WDR86: variants seen among roughly 807,000 people sequenced by gnomAD.
The protein encoded by WDR86 is WD repeat-containing protein 86.
Under a neutral mutation model 36.5 loss-of-function variants are expected in WDR86, and 30 were observed. The ratio of observed to expected loss-of-function variants is 0.82; its 90% CI spans 0.61 to 1.11. The LOEUF (loss-of-function observed/expected upper bound fraction) is 1.11, where lower values mean the gene tolerates loss of function less well. Among genes scored for constraint, WDR86 ranks in the 50% most tolerant of loss-of-function variants. The pLI, the probability that WDR86 is intolerant of heterozygous loss-of-function variation, is 0.00. For missense variants in WDR86, 545 were observed against 561.2 expected (o/e 0.97, Z 0.29); for synonymous variants, 255 against 252.9 (o/e 1.01, Z -0.08).
intron 3 of WDR86, 110 bp downstream of exon 3, chr7:151,395,666 T>G (rs1799766448): frequency 7.6e-7 from 1 of 1,322,428 alleles, no homozygotes; most frequent in Non-Finnish European, 1.0e-6. Flanking sequence ...CAGGCCCCCA[T>G]CTGCAGCGCT....
Position 151,381,547 on chromosome 7 carries a change from G to A in WDR86, c.*35C>T, listed in dbSNP as rs1563040653. The A allele has an allele frequency of 2.9e-6, 4 of 1,390,888 alleles. No individual in the cohort carries two copies. The highest frequency in any genetic ancestry group is 3.0e-5 in the East Asian group (1 of 32,878). 86.2% of individuals were successfully genotyped at this position (1,390,888 alleles called of 1,614,324 possible). A position where few individuals can be genotyped will look rare whatever the true frequency, so the allele number is the denominator to read the frequency against. ...GGCGGGGCGCTCTGGGAGCCGCTGG[G>A]TGTCTGGGCTGGCGTCTGCAGGGGC... is the stretch of plus-strand genomic sequence containing the variant. On this transcript the variant is annotated 3_prime_UTR_variant, in exon 6 of 6. Coordinates refer to ENST00000334493, the MANE Select transcript of WDR86 (RefSeq NM_198285.3). The surrounding 1 kb of genome is among the most constrained non-coding windows in gnomAD (Gnocchi z 4.8).
chr7:151,402,665 G>A (rs1282577328), intron 1 of WDR86, among the ~76,000 whole-genome samples: 1 of 152,234 alleles, frequency 6.6e-6, no homozygotes, highest in Non-Finnish European at 1.5e-5. Flanking sequence ...CGGTAGAGAT[G>A]ACTGATGAGG....
downstream of WDR86, chr7:151,376,846 C>T: frequency 6.5e-7 from 1 of 1,543,848 alleles, no homozygotes; most frequent in Non-Finnish European, 8.8e-7. Flanking sequence ...GCATTGAGAG[C>T]AAAGTGTCTT....
rs2150874060 is a variant in WDR86 at position 151,406,525 on chromosome 7, A to G, written c.163+2902T>C. Among the ~76,000 whole-genome samples the G allele has an allele frequency of 6.6e-6, 1 of 152,268 alleles. No individual in the cohort carries two copies. Among genetic ancestry groups the G allele is most frequent in the East Asian group, 1.9e-4 (1 of 5,178 alleles). ...GGAACCAAAGTGGAAAGAGATCTAG[A>G]TTTAGAGTTAGGATGCTTCTAGGGA... On this transcript the variant is annotated intron_variant, in intron 1 of 5. Coordinates refer to ENST00000334493, the MANE Select transcript of WDR86 (RefSeq NM_198285.3). The surrounding 1 kb of genome is among the most constrained non-coding windows in gnomAD (Gnocchi z 4.4).
At chr7:151,376,373 G>C (rs1584979058), downstream of WDR86, 9 of 515,240 alleles carry the variant, frequency 1.7e-5, no homozygotes, top group East Asian at 2.2e-4. Context: ...GGTGAGGCTG[G>C]TGTGGCGCCC....
At chr7:151,371,201 C>A (rs567334871), downstream of WDR86, among the ~76,000 whole-genome samples, 135 of 152,270 alleles carry the variant, frequency 8.9e-4, 1 homozygote, top group African/African-American at 3.0e-3. Context: ...ACAACAACAA[C>A]AAAAAACCCA....
intron 4 of WDR86, 121 bp from the exon 5 acceptor site, chr7:151,382,102 G>A: frequency 1.3e-6 from 1 of 798,104 alleles, no homozygotes; most frequent in South Asian, 1.7e-5. Context: ...GGTATCCTGA[G>A]GCTCATATGG....
At position 151,409,802 on chromosome 7, in the gene WDR86, G is replaced by A. The variant is rs370372604; in HGVS notation, c.-213C>T. ...GGCCCGCGAACCCAGGGCGCTGCGG[G>A]GGGCGGCCCACTCGGGACCTCCGCC... is the stretch of plus-strand genomic sequence containing the variant. On this transcript the variant is annotated 5_prime_UTR_variant, in exon 1 of 6. Coordinates refer to ENST00000334493, the MANE Select transcript of WDR86 (RefSeq NM_198285.3). The surrounding 1 kb of genome is among the most constrained non-coding windows in gnomAD (Gnocchi z 5.2). 186 of 1,264,084 alleles carry A rather than the reference G, an allele frequency of 1.5e-4. No homozygotes were observed. In the East Asian group the frequency reaches 3.9e-3, roughly 26 times the overall value. 78.3% of individuals were successfully genotyped at this position (1,264,084 alleles called of 1,614,324 possible).
chr7:151,410,095 G>A, upstream of WDR86: 1 of 985,158 alleles, frequency 1.0e-6, no homozygotes, highest in Non-Finnish European at 1.2e-6. Flanking sequence ...CACTTCTCGG[G>A]CTGCGCCCCA....
chr7:151,385,031 G>T, intron 4 of WDR86, 57 bp downstream of exon 4: 2 of 1,513,584 alleles, frequency 1.3e-6, no homozygotes. Flanking sequence ...AAGTAAAGAA[G>T]CAGAGAGGAG....
rs1428941495 is a variant in WDR86 at position 151,406,509 on chromosome 7, G to C, written c.163+2918C>G. Among the ~76,000 whole-genome samples, 5 of 152,240 alleles carry C rather than the reference G, an allele frequency of 3.3e-5. No homozygotes were observed. Among genetic ancestry groups the C allele is most frequent in the Non-Finnish European group, 7.3e-5 (5 of 68,048 alleles). On this transcript the variant is annotated intron_variant, in intron 1 of 5. Coordinates refer to ENST00000334493, the MANE Select transcript of WDR86 (RefSeq NM_198285.3). This position sits in a 1 kb window ranked among gnomAD's most constrained non-coding sequence, Gnocchi z 4.4. ...GTGCAAGGGCCAGGACGGAACCAAA[G>C]TGGAAAGAGATCTAGATTTAGAGTT...
chr7:151,404,961 G>A (rs1357591970), intron 1 of WDR86, among the ~76,000 whole-genome samples: 2 of 152,208 alleles, frequency 1.3e-5, no homozygotes, highest in African/African-American at 4.8e-5. Context: ...CCCAGCTTTA[G>A]ACAACGGACT....
intron 3 of WDR86, among the ~76,000 whole-genome samples, chr7:151,394,498 A>G (rs557558391): frequency 6.6e-6 from 1 of 152,266 alleles, no homozygotes; most frequent in South Asian, 2.1e-4. Flanking sequence ...ATGCACCCCA[A>G]CCGCTTGCCG....
At position 151,381,663 on chromosome 7, in the gene WDR86, C is replaced by T. The variant is rs1272884989; in HGVS notation, c.1050G>A (p.Arg350=). Residue 350 remains arginine (R), a synonymous_variant, in exon 6 of 6, where the codon CGG becomes CGA. Coordinates refer to ENST00000334493, the MANE Select transcript of WDR86 (RefSeq NM_198285.3). The surrounding 1 kb of genome is among the most constrained non-coding windows in gnomAD (Gnocchi z 4.8). ...WDVRGLRGAP[R]PPPPMRSLSR... is the part of the protein sequence containing the mutation. ...AGAGGCTGCGCATGGGCGGAGGGGG[C>T]CGCGGGGCACCTCGGAGCCCGCGCA... The T allele has an allele frequency of 3.6e-6, 5 of 1,406,974 alleles. No homozygotes were observed. The highest frequency in any genetic ancestry group is 3.7e-6 in the Non-Finnish European group (4 of 1,091,982). The allele number at this position is 1,406,974 out of a possible 1,614,324, so 87.2% of individuals were successfully genotyped here.
In WDR86 at chr7:151,409,308, G is replaced by A. The variant is rs1296743489; in HGVS notation, c.163+119C>T. On this transcript the variant is annotated intron_variant, in intron 1 of 5. Coordinates refer to ENST00000334493, the MANE Select transcript of WDR86 (RefSeq NM_198285.3). The surrounding 1 kb of genome is among the most constrained non-coding windows in gnomAD (Gnocchi z 5.2). ...CAGACAAGCGCTCTTCCGCTAGTGT[G>A]CCGGGATGAGCGGGGGCTGGACTTC... is the stretch of plus-strand genomic sequence containing the variant. 22 of 1,443,162 alleles carry A rather than the reference G, an allele frequency of 1.5e-5. No homozygotes were observed. Among genetic ancestry groups the A allele is most frequent in the Non-Finnish European group, 2.0e-5 (21 of 1,058,922 alleles). 89.4% of individuals were successfully genotyped at this position (1,443,162 alleles called of 1,614,324 possible). A position where few individuals can be genotyped will look rare whatever the true frequency, so the allele number is the denominator to read the frequency against.
rs1025170371 is a variant in WDR86 at position 151,381,820 on chromosome 7, G to C, written c.966+58C>G. The C allele has an allele frequency of 6.5e-7, 1 of 1,539,746 alleles. No homozygotes were observed. ...ACACCGCTGCCCGCGTGGATGGATC[G>C]GGGCGGGGCACCTTCCCTCCCACGG... On this transcript the variant is annotated intron_variant, in intron 5 of 5. Transcript: ENST00000334493. This position sits in a 1 kb window ranked among gnomAD's most constrained non-coding sequence, Gnocchi z 4.8.
At chr7:151,402,415 A>G (rs1462284987) in intron 1 of WDR86, among the ~76,000 whole-genome samples, 1 of 152,154 alleles carries the variant, frequency 6.6e-6, no homozygotes, top group Non-Finnish European at 1.5e-5. Context: ...AGAGACAATG[A>G]AACACAGCCT....
rs373816159 is a variant in WDR86, at chr7:151,396,231, G to A, written c.306-35C>T. On this transcript the variant is annotated intron_variant, in intron 2 of 5. Transcript: ENST00000334493. The stretch of plus-strand genomic sequence containing the variant: ...AGAGGGAAGGGGTCAGGGATCAGAA[G>A]GCACGGGTTCCAGAATCCACACAGC... 304 of 1,611,580 alleles carry A rather than the reference G, an allele frequency of 1.9e-4. No individual in the cohort carries two copies. In the African/African-American group the frequency reaches 2.9e-3, roughly 16 times the overall value.
chr7:151,404,923 G>A (rs1032699386), intron 1 of WDR86, among the ~76,000 whole-genome samples: 1 of 152,200 alleles, frequency 6.6e-6, no homozygotes, highest in African/African-American at 2.4e-5. Context: ...CCTGACTTGC[G>A]TGGAAGCCGT....
Sources: gnomAD v4.1 joint callset for allele counts (sites outside exome capture counted in the v4.1 genomes callset) on GRCh38, gnomAD v4.1.1 for gene constraint, Gnocchi (gnomAD v3.1) non-coding constraint, MANE v1.5 for transcripts, NCBI Gene and HGNC (gene_info 2026-07-23, HGNC 2026-07-21) for gene names.